Variants in PDE4D observed in about 807,000 individuals in gnomAD.
PDE4D encodes phosphodiesterase 4D.
PDE4D carries 24 observed loss-of-function variants against 87.4 expected under a neutral mutation model. The ratio of observed to expected loss-of-function variants is 0.27; its 90% CI spans 0.20 to 0.39. The LOEUF (loss-of-function observed/expected upper bound fraction) is 0.39, where lower values mean the gene tolerates loss of function less well. Among genes scored for constraint, PDE4D ranks in the 10% least tolerant of loss-of-function variants. PDE4D has a pLI of 1.00. For missense variants in PDE4D, 714 were observed against 1,041.0 expected, an observed-to-expected ratio of 0.69 and a Z score of 4.32; for synonymous variants, 384 against 383.2, an observed-to-expected ratio of 1.00 and a Z score of -0.02.
intron 2 of PDE4D, among the ~76,000 whole-genome samples, chr5:60,122,162 T>C (rs1778744020): frequency 6.6e-6 from 1 of 152,214 alleles, no homozygotes; most frequent in South Asian, 2.1e-4. Flanking sequence ...CTGGCTGCTT[T>C]CATGGGCTGG....
At chr5:59,855,817 A>T (rs2152723178) in intron 1 of PDE4D, among the ~76,000 whole-genome samples, 1 of 152,292 alleles carries the variant, frequency 6.6e-6, no homozygotes, top group South Asian at 2.1e-4. Flanking sequence ...CATAATTATT[A>T]TATCTACAGA....
chr5:58,969,630 A>T lies in PDE4D; in HGVS notation c.*5034T>A, dbSNP rs997802957. On this transcript the variant is annotated 3_prime_UTR_variant, in exon 15 of 15. Coordinates refer to ENST00000340635, the MANE Select transcript of PDE4D (RefSeq NM_001104631.2). ...ACTGAGCTCCTTCATTGTACTGATC[A>T]CATATATAATTATATGAGTATTGTT... 3 of 152,170 alleles carry T rather than the reference A, an allele frequency of 2.0e-5. No individual in the cohort carries two copies. Among genetic ancestry groups the T allele is most frequent in the African/African-American group, 7.2e-5 (3 of 41,444 alleles). The allele number at this position is 152,170 out of a possible 1,614,324, so 9.4% of individuals were successfully genotyped here.
intron 1 of PDE4D, among the ~76,000 whole-genome samples, chr5:60,403,002 C>T (rs901756172): frequency 1.3e-5 from 2 of 152,176 alleles, no homozygotes; most frequent in South Asian, 4.1e-4. Flanking sequence ...ACTTATAAAA[C>T]CAGAAACCAA....
chr5:60,197,366 G>A (rs1329928414), intron 1 of PDE4D, among the ~76,000 whole-genome samples: 7 of 151,398 alleles, frequency 4.6e-5, no homozygotes, highest in East Asian at 1.9e-4. Flanking sequence ...TCAATCAGCC[G>A]TGAATTCTAA....
intron 1 of PDE4D, among the ~76,000 whole-genome samples, chr5:59,347,283 A>G (rs1042667990): frequency 2.0e-5 from 3 of 152,154 alleles, no homozygotes; most frequent in Admixed American, 1.3e-4. Context: ...TCCTTTATCC[A>G]TAGCAACTTC....
At chr5:60,166,637 T>C (rs776771620) in intron 2 of PDE4D, among the ~76,000 whole-genome samples, 48 of 152,234 alleles carry the variant, frequency 3.2e-4, no homozygotes, top group South Asian at 8.3e-4. Flanking sequence ...ATGAGTTTTA[T>C]ATTTATAGAT....
chr5:60,127,647 G>T (rs1464250920), intron 2 of PDE4D: 1 of 595,622 alleles, frequency 1.7e-6, no homozygotes, highest in Non-Finnish European at 3.0e-6. Flanking sequence ...TAGTTTTAAG[G>T]GCCACAAGAG....
chr5:59,475,253 G>T (rs963152860), intron 1 of PDE4D, among the ~76,000 whole-genome samples: 1 of 152,020 alleles, frequency 6.6e-6, no homozygotes, highest in African/African-American at 2.4e-5. Flanking sequence ...AACGGACAAG[G>T]CCAGTGGCTA....
At chr5:60,220,188 C>G (rs1385504231) in intron 1 of PDE4D, among the ~76,000 whole-genome samples, 3 of 152,068 alleles carry the variant, frequency 2.0e-5, no homozygotes, top group African/African-American at 7.2e-5. Flanking sequence ...TCCACAAGAT[C>G]AGGTGCTAGT....
At chr5:59,804,763 G>A (rs77924166) in intron 1 of PDE4D, among the ~76,000 whole-genome samples, 3,710 of 152,134 alleles carry the variant, frequency 0.024, 130 homozygotes, top group African/African-American at 0.074. Flanking sequence ...ATTATTCTGG[G>A]TGTGCCAATA....
intron 1 of PDE4D, among the ~76,000 whole-genome samples, chr5:60,337,132 C>T (rs71630005): frequency 0.1 from 14,556 of 142,188 alleles, 969 homozygotes; most frequent in South Asian, 0.29. Flanking sequence ...CCAGCCTGGC[C>T]GACATGGTGA....
chr5:59,545,127 T>C (rs1817044612), intron 1 of PDE4D, among the ~76,000 whole-genome samples: 1 of 152,192 alleles, frequency 6.6e-6, no homozygotes, highest in African/African-American at 2.4e-5. Context: ...TGTATTTTTA[T>C]TATTTTGTGG....
Position 59,208,977 on chromosome 5 carries a change from A to G in PDE4D, c.647+6800T>C, listed in dbSNP as rs562889343. On this transcript the variant is annotated intron_variant, in intron 2 of 14. Transcript: ENST00000340635. ...TGGCCAGCACACAGCAATGGAAGAA[A>G]AAGCCTGGTCTATCTAGGTCATTAC... 2.6e-5 allele frequency among the ~76,000 whole-genome samples: 4 copies of G among 152,318 alleles called. No homozygotes were observed. The East Asian group carries it at 7.7e-4, about 29-fold the overall frequency.
chr5:59,257,669 G>C (rs1006035144), intron 1 of PDE4D, among the ~76,000 whole-genome samples: 1 of 151,966 alleles, frequency 6.6e-6, no homozygotes, highest in Non-Finnish European at 1.5e-5. Context: ...AATTCAGCGA[G>C]GGTTGCCTGG....
intron 1 of PDE4D, among the ~76,000 whole-genome samples, chr5:60,520,494 C>G (rs1750989162): frequency 6.6e-6 from 1 of 152,254 alleles, no homozygotes; most frequent in Non-Finnish European, 1.5e-5. Context: ...GTCAGCCCCT[C>G]CCTGCCACAA....
chr5:59,890,249 GCACGTACA>G (rs1348928496), intron 1 of PDE4D, among the ~76,000 whole-genome samples: 3 of 124,868 alleles, frequency 2.4e-5, no homozygotes, highest in Non-Finnish European at 5.1e-5. Context: ...ATGGTGGTGC[GCACGTACA>G]CACACACACA....
chr5:59,613,675 G>T (rs930649936), intron 1 of PDE4D, among the ~76,000 whole-genome samples: 1 of 152,130 alleles, frequency 6.6e-6, no homozygotes, highest in African/African-American at 2.4e-5. Flanking sequence ...TAAATGGTAG[G>T]TATTCAGCAT....
intron 1 of PDE4D, among the ~76,000 whole-genome samples, chr5:59,299,581 A>G (rs1232636419): frequency 1.3e-5 from 2 of 152,248 alleles, no homozygotes; most frequent in African/African-American, 4.8e-5. Flanking sequence ...GATTAGGCCT[A>G]GAAAATATAC....
At chr5:60,371,637 A>T (rs1406141548) in intron 1 of PDE4D, among the ~76,000 whole-genome samples, 1 of 152,172 alleles carries the variant, frequency 6.6e-6, no homozygotes, top group Non-Finnish European at 1.5e-5. Flanking sequence ...AAATTAGAAC[A>T]TTGCAGGACC....
Sources: allele counts gnomAD v4.1 joint callset (sites outside exome capture counted in the v4.1 genomes callset), GRCh38; gene constraint gnomAD v4.1.1; transcripts MANE v1.5; gene names NCBI Gene and HGNC (gene_info 2026-07-23, HGNC 2026-07-21).